Variants in TENM3 observed in about 807,000 individuals in gnomAD.
The protein encoded by TENM3 is teneurin-3.
Under a neutral mutation model 255.1 loss-of-function variants are expected in TENM3, and 63 were observed. That is an observed-to-expected ratio of 0.25 (90% CI 0.20 to 0.30). The LOEUF is 0.30. TENM3 is among the 10% of genes least tolerant of loss of function. TENM3 has a pLI of 1.00. For missense variants in TENM3, 2,929 were observed against 3,461.1 expected (o/e 0.85, Z 3.86); for synonymous variants, 1,306 against 1,322.3 (o/e 0.99, Z 0.27).
intron 4 of TENM3, among the ~76,000 whole-genome samples, chr4:182,601,906 T>A (rs761169193): frequency 2.0e-5 from 3 of 152,230 alleles, no homozygotes; most frequent in Non-Finnish European, 4.4e-5. Flanking sequence ...TCTAGAGGCT[T>A]CAGCAGTTTA....
At chr4:181,796,364 C>CAA in the TENM3 span, among the ~76,000 whole-genome samples, 2 of 152,120 alleles carry the variant, frequency 1.3e-5, no homozygotes, top group Admixed American at 6.5e-5. Flanking sequence ...TGGAAAAGCT[C>CAA]AAAGAAAAGT....
chr4:181,930,043 T>C, the TENM3 span, among the ~76,000 whole-genome samples: 1 of 152,208 alleles, frequency 6.6e-6, no homozygotes, highest in Non-Finnish European at 1.5e-5. Flanking sequence ...GGGAAATTTA[T>C]AGCACTAAAT....
At chr4:181,476,205 G>GTTTTTTT in the TENM3 span, among the ~76,000 whole-genome samples, 284 of 97,942 alleles carry the variant, frequency 2.9e-3, 7 homozygotes, top group African/African-American at 5.9e-3. Flanking sequence ...ACATTTTAGG[G>GTTTTTTT]GTTTTTTTTT....
chr4:182,553,267 T>C (rs1280264939), intron 3 of TENM3, among the ~76,000 whole-genome samples: 1 of 151,612 alleles, frequency 6.6e-6, no homozygotes, highest in Non-Finnish European at 1.5e-5. Flanking sequence ...GCAGTGCTTC[T>C]ATAGTCTTCA....
chr4:182,652,556 A>G (rs1753405788), intron 5 of TENM3, among the ~76,000 whole-genome samples: 2 of 152,194 alleles, frequency 1.3e-5, no homozygotes, highest in Non-Finnish European at 2.9e-5. Flanking sequence ...CCTAATTTCT[A>G]ACAATATCAC....
intron 3 of TENM3, among the ~76,000 whole-genome samples, chr4:182,443,262 A>G (rs978649364): frequency 1.3e-5 from 2 of 152,126 alleles, no homozygotes; most frequent in African/African-American, 4.8e-5. Flanking sequence ...ATAGACACAT[A>G]CTGCCATCCC....
the TENM3 span, among the ~76,000 whole-genome samples, chr4:182,063,102 A>C: frequency 6.6e-6 from 1 of 152,252 alleles, no homozygotes; most frequent in Non-Finnish European, 1.5e-5. Context: ...AAAACAACTC[A>C]GCTAAGAATG....
chr4:182,413,660 G>A (rs574026256), intron 3 of TENM3, among the ~76,000 whole-genome samples: 28 of 151,880 alleles, frequency 1.8e-4, no homozygotes, highest in Admixed American at 1.2e-3. Context: ...CTCCCAAACC[G>A]AAGTGTTCTC....
intron 13 of TENM3, among the ~76,000 whole-genome samples, chr4:182,715,901 T>G (rs1426187566): frequency 6.6e-6 from 1 of 152,222 alleles, no homozygotes; most frequent in Non-Finnish European, 1.5e-5. Flanking sequence ...TGTTTTCTCT[T>G]AACTTGGACA....
the TENM3 span, among the ~76,000 whole-genome samples, chr4:181,829,024 C>A: frequency 6.6e-6 from 1 of 152,224 alleles, no homozygotes; most frequent in Non-Finnish European, 1.5e-5. Flanking sequence ...TGACATGGAC[C>A]CGTTGCACTG....
At chr4:182,242,939 G>C (rs190050351), upstream of TENM3, among the ~76,000 whole-genome samples, 1 of 152,320 alleles carries the variant, frequency 6.6e-6, no homozygotes, top group Non-Finnish European at 1.5e-5. Context: ...GGCTAAGAGA[G>C]AGGTAAGCAA....
At chr4:181,765,612 T>C in the TENM3 span, among the ~76,000 whole-genome samples, 1 of 152,338 alleles carries the variant, frequency 6.6e-6, no homozygotes, top group Admixed American at 6.5e-5. Context: ...AAAAAACAGC[T>C]ACTTTCAAGT....
chr4:181,547,512 A>G, the TENM3 span, among the ~76,000 whole-genome samples: 1 of 152,180 alleles, frequency 6.6e-6, no homozygotes, highest in Admixed American at 6.5e-5. Flanking sequence ...AATTATTTTA[A>G]ACATGTACAA....
chr4:181,592,099 G>A, the TENM3 span, among the ~76,000 whole-genome samples: 1 of 152,150 alleles, frequency 6.6e-6, no homozygotes, highest in African/African-American at 2.4e-5. Context: ...ATTACAAAGC[G>A]CCCAGGAAAC....
At chr4:182,773,330 A>C in intron 22 of TENM3, 142 bp from the exon 23 acceptor site, 1 of 695,586 alleles carries the variant, frequency 1.4e-6, no homozygotes. Flanking sequence ...AGCATGTTTG[A>C]AGTCTTCACT....
the TENM3 span, among the ~76,000 whole-genome samples, chr4:181,903,943 T>C: frequency 6.6e-6 from 1 of 152,150 alleles, no homozygotes; most frequent in South Asian, 2.1e-4. Flanking sequence ...ATGTTGTCTC[T>C]ATAAAACAAT....
the TENM3 span, among the ~76,000 whole-genome samples, chr4:181,457,231 A>G: frequency 6.6e-6 from 1 of 151,876 alleles, no homozygotes; most frequent in South Asian, 2.1e-4. Flanking sequence ...TTAATATTTA[A>G]TAACATATGA....
the TENM3 span, among the ~76,000 whole-genome samples, chr4:181,835,739 C>T: frequency 1.3e-5 from 2 of 151,942 alleles, no homozygotes; most frequent in Non-Finnish European, 2.9e-5. Flanking sequence ...TTTTAGTTAT[C>T]GGCAGTAAGA....
chr4:181,616,618 G>A, the TENM3 span, among the ~76,000 whole-genome samples: 174 of 152,066 alleles, frequency 1.1e-3, 1 homozygote, highest in African/African-American at 3.8e-3. Flanking sequence ...ACAATAGGCC[G>A]TCTGCAAGCT....
Sources: gnomAD v4.1 joint callset for allele counts (sites outside exome capture counted in the v4.1 genomes callset) on GRCh38, gnomAD v4.1.1 for gene constraint, MANE v1.5 for transcripts, NCBI Gene and HGNC (gene_info 2026-07-23, HGNC 2026-07-21) for gene names.